Variants in PKD1L3 observed in about 807,000 individuals in gnomAD.
The protein encoded by PKD1L3 is polycystin 1 like 3, transient receptor potential channel interacting.
PKD1L3 carries 239 observed loss-of-function variants against 184.1 expected under a neutral mutation model. The ratio of observed to expected loss-of-function variants is 1.30; its 90% CI spans 1.17 to 1.45. The LOEUF is 1.45. Ranked by LOEUF, PKD1L3 falls within the 40% of genes most tolerant of loss-of-function variation. The pLI is 0.00. For synonymous variants in PKD1L3, 996 were observed against 778.8 expected (o/e 1.28, Z -4.64); for missense variants, 2,660 against 2,067.2 (o/e 1.29, Z -5.56).
Position 71,953,076 on chromosome 16 carries a change from C to A in PKD1L3, c.2827G>T (p.Ala943Ser). ...ATGCTGACCAGCAGTTCAGACCAGGCCACAGCAAATGGACGCACTGAAAGA... is the reference window on the plus strand; with the variant it reads ...ATGCTGACCAGCAGTTCAGACCAGGACACAGCAAATGGACGCACTGAAAGA... ...RDEQMRPFAV[A>S]WSELLVSIHT... Residue 943 changes from alanine (A) to serine (S), a missense_variant, in exon 18 of 30, where the codon GCC becomes TCC. Ala to Ser is a moderately conservative substitution (Grantham distance 99). Coordinates refer to ENST00000620267, the MANE Select transcript of PKD1L3 (RefSeq NM_181536.2). 6.8e-7 allele frequency: 1 copy of A among 1,474,432 alleles called. No homozygotes were observed. Among genetic ancestry groups the A allele is most frequent in the South Asian group, 1.4e-5 (1 of 71,222 alleles). 91.3% of individuals were successfully genotyped at this position (1,474,432 alleles called of 1,614,324 possible).
rs545797262 is a variant in PKD1L3, at chr16:71,978,109, C to T, written c.1527+146G>A. On this transcript the variant is annotated intron_variant, in intron 10 of 29. Coordinates refer to ENST00000620267, the MANE Select transcript of PKD1L3 (RefSeq NM_181536.2). Reference sequence around the variant, plus strand: ...CTTTTTCTAAGGATAAGGTGTATCTCTTTGTAAAAGTTCCTAAGATGTTAA... The same window carrying T: ...CTTTTTCTAAGGATAAGGTGTATCTTTTTGTAAAAGTTCCTAAGATGTTAA... 1.6e-5 allele frequency: 16 copies of T among 1,003,680 alleles called. No individual in the cohort carries two copies. In the East Asian group the frequency reaches 4.9e-4, roughly 31 times the overall value. The allele number at this position is 1,003,680 out of a possible 1,614,324, so 62.2% of individuals were successfully genotyped here.
intron 22 of PKD1L3, among the ~76,000 whole-genome samples, chr16:71,944,681 C>G (rs2038492541): frequency 6.7e-6 from 1 of 150,092 alleles, no homozygotes; most frequent in East Asian, 2.0e-4. Flanking sequence ...GGCAACATAG[C>G]AAGACCATAT....
In PKD1L3 at chr16:71,949,960, A is replaced by G; in HGVS notation, c.3441T>C (p.Asn1147=). The G allele has an allele frequency of 6.4e-7, 1 of 1,551,688 alleles. No individual in the cohort carries two copies. Among genetic ancestry groups the G allele is most frequent in the Non-Finnish European group, 8.7e-7 (1 of 1,146,994 alleles). The change falls in exon 21 of 30, where the codon AAT becomes AAC. Residue 1147 remains asparagine, a synonymous_variant. Transcript: ENST00000620267. ...SSEEGKKPIS[N]GLSKWLTSVC... ...CTGAAGTCAACCATTTGGACAGGCCATTTGAGATGGGCTTTTTTCCTTCTT... is the reference window on the plus strand; with the variant it reads ...CTGAAGTCAACCATTTGGACAGGCCGTTTGAGATGGGCTTTTTTCCTTCTT...
At chr16:71,999,569 G>C in intron 1 of PKD1L3, 115 bp downstream of exon 1, 2 of 1,040,482 alleles carry the variant, frequency 1.9e-6, no homozygotes, top group South Asian at 2.3e-5. Context: ...ATGAAGTAAA[G>C]TGACTGGTTT....
chr16:71,968,649 G>A (rs977236092), intron 13 of PKD1L3, among the ~76,000 whole-genome samples: 1 of 152,104 alleles, frequency 6.6e-6, no homozygotes, highest in Non-Finnish European at 1.5e-5. Context: ...AGGCTGGAGT[G>A]CAGTGGTTCA....
intron 16 of PKD1L3, among the ~76,000 whole-genome samples, chr16:71,955,564 C>T (rs1029656487): frequency 2.6e-5 from 4 of 151,992 alleles, no homozygotes; most frequent in Non-Finnish European, 4.4e-5. Flanking sequence ...GAGATCTCAG[C>T]TCATTGCAAC....
At chr16:71,933,308 TCCC>T in intron 28 of PKD1L3, 109 bp downstream of exon 28, 2 of 766,272 alleles carry the variant, frequency 2.6e-6, no homozygotes, top group Non-Finnish European at 4.5e-6. Context: ...ACTGAAATTT[TCCC>T]CCTTTTCCAG....
chr16:71,942,661 C>A lies in PKD1L3; in HGVS notation c.4223G>T (p.Ser1408Ile). 2 of 1,551,724 alleles carry A rather than the reference C, an allele frequency of 1.3e-6. No homozygotes were observed. Among genetic ancestry groups the A allele is most frequent in the East Asian group, 2.4e-5 (1 of 40,916 alleles). ...LFPGLHLRRF[S>I]YICSPRPMVL... The stretch of plus-strand genomic sequence containing the variant: ...CATGGGCCTGGGTGAACAGATGTAA[C>A]TGAACCTCCTTAGATGAAGTCCAGG... Residue 1408 changes from serine (S) to isoleucine (I), a missense_variant, in exon 24 of 30, where the codon AGT (serine) becomes ATT (isoleucine). Transcript: ENST00000620267.
chr16:71,986,746 G>A (rs1196877183), intron 4 of PKD1L3, among the ~76,000 whole-genome samples: 1 of 152,028 alleles, frequency 6.6e-6, no homozygotes, highest in African/African-American at 2.4e-5. Flanking sequence ...AACTGAATAT[G>A]GCAATGAGCA....
chr16:71,980,191 A>T (rs1032053893), intron 7 of PKD1L3, 57 bp from the exon 8 acceptor site: 1 of 1,518,882 alleles, frequency 6.6e-7, no homozygotes, highest in East Asian at 2.5e-5. Context: ...TTATGTTAGT[A>T]AAATAATGTT....
At chr16:71,997,044 G>A (rs1420221378) in intron 2 of PKD1L3, among the ~76,000 whole-genome samples, 1 of 150,904 alleles carries the variant, frequency 6.6e-6, no homozygotes, top group East Asian at 2.0e-4. Flanking sequence ...GTTGTTGGAG[G>A]TTAAGTAGAG....
In PKD1L3 at chr16:71,933,473, T is replaced by G. The variant is rs1387351881; in HGVS notation, c.4873A>C (p.Ser1625Arg). The G allele has an allele frequency of 2.6e-6, 4 of 1,551,724 alleles. No individual in the cohort carries two copies. Among genetic ancestry groups the G allele is most frequent in the Non-Finnish European group, 3.5e-6 (4 of 1,146,888 alleles). ...AGACCAACAACAGTCACTGCTGAGC[T>G]GAAAAATGTCCGGTAGTCAGAGATG... The part of the protein sequence containing the change: ...CSISDYRTFF[S>R]SAVTVVGLLM... The change falls in exon 28 of 30, where the codon AGC becomes CGC. Residue 1625 changes from serine to arginine, a missense_variant. Physicochemically the swap from Ser to Arg is moderately radical, Grantham distance 110 (BLOSUM62 -1). Transcript: ENST00000620267.
intron 4 of PKD1L3, among the ~76,000 whole-genome samples, chr16:71,987,025 A>C (rs988686872): frequency 1.0e-4 from 14 of 137,534 alleles, no homozygotes; most frequent in African/African-American, 3.7e-4. Flanking sequence ...CCTGGGTTCA[A>C]GTGATTCTCC....
chr16:71,930,099 C>T lies in PKD1L3; in HGVS notation c.5011G>A (p.Val1671Ile), dbSNP rs201167023. 1.4e-4 allele frequency: 214 copies of T among 1,551,304 alleles called. No homozygotes were observed. The highest frequency in any genetic ancestry group is 6.7e-4 in the Middle Eastern group (4 of 6,014). ...LMVLVVINLF[V>I]SAILMAFGKE... Reference sequence around the variant, plus strand: ...CCAAAGGCCATGAGAATGGCCGAAACGAAAAGATTAATTACCACAAGTACC... The same window carrying T: ...CCAAAGGCCATGAGAATGGCCGAAATGAAAAGATTAATTACCACAAGTACC... Residue 1671 changes from valine to isoleucine, a missense_variant, in exon 29 of 30, where the codon GTT becomes ATT. Physicochemically the swap from Val to Ile is conservative, Grantham distance 29 (BLOSUM62 3). Transcript: ENST00000620267.
At chr16:71,994,174 G>T (rs377365671) in intron 2 of PKD1L3, among the ~76,000 whole-genome samples, 1 of 152,132 alleles carries the variant, frequency 6.6e-6, no homozygotes, top group African/African-American at 2.4e-5. Flanking sequence ...GATGACTATG[G>T]CTCAGCTTAA....
intron 17 of PKD1L3, among the ~76,000 whole-genome samples, chr16:71,953,818 T>C (rs1207577771): frequency 3.9e-5 from 6 of 152,194 alleles, no homozygotes; most frequent in South Asian, 4.1e-4. Flanking sequence ...GGGATTACAG[T>C]TGGACGTGAG....
chr16:71,933,428 G>C lies in PKD1L3; in HGVS notation c.4918C>G (p.Gln1640Glu). 1 of 1,541,644 alleles carries C rather than the reference G, an allele frequency of 6.5e-7. No individual in the cohort carries two copies. The highest frequency in any genetic ancestry group is 8.8e-7 in the Non-Finnish European group (1 of 1,137,904). Residue 1640 changes from glutamine to glutamate, a missense_variant, in exon 28 of 30, where the codon CAA (glutamine) becomes GAA (glutamate). Coordinates refer to ENST00000620267, the MANE Select transcript of PKD1L3 (RefSeq NM_181536.2). Reference sequence around the variant, plus strand: ...CAAATTATTATTTTTACCTCCTCTTGGTGAGAAATTCCCATCAGGAGACCA... The same window carrying C: ...CAAATTATTATTTTTACCTCCTCTTCGTGAGAAATTCCCATCAGGAGACCA... Reference protein sequence around the residue: ...VVGLLMGISHQEEVFALDPVL... With the variant: ...VVGLLMGISHEEEVFALDPVL...
At chr16:71,979,720 C>A (rs1373478159) in intron 9 of PKD1L3, 66 bp downstream of exon 9, 70 of 1,446,654 alleles carry the variant, frequency 4.8e-5, no homozygotes, top group Non-Finnish European at 6.2e-5. Context: ...ACATTACTTT[C>A]ACCCAAATGC....
At position 71,970,058 on chromosome 16, in the gene PKD1L3, G is replaced by A. The variant is rs547477386; in HGVS notation, c.2001C>T (p.His667=). The A allele has an allele frequency of 1.3e-6, 2 of 1,551,704 alleles. No homozygotes were observed. The highest frequency in any genetic ancestry group is 2.4e-5 in the South Asian group (2 of 84,056). Residue 667 remains histidine, a synonymous_variant, in exon 13 of 30, where the codon CAC becomes CAT. Transcript: ENST00000620267. ...TILRTQCLCN[H]LTFFASDFFV... is the part of the protein sequence containing the mutation. ...AGAAGTCGCTGGCAAAGAAGGTCAG[G>A]TGGTTACAGAGACACTGTGTCCTCA...
Sources: gnomAD v4.1 joint callset for allele counts (sites outside exome capture counted in the v4.1 genomes callset) on GRCh38, gnomAD v4.1.1 for gene constraint, MANE v1.5 for transcripts, NCBI Gene and HGNC (gene_info 2026-07-23, HGNC 2026-07-21) for gene names.